The following CLIC5 variants were observed in gnomAD, a reference collection of about 807,000 sequenced individuals.
CLIC5 encodes the protein chloride intracellular channel protein 5.
CLIC5 carries 20 observed loss-of-function variants against 24.7 expected under a neutral mutation model. The observed-to-expected ratio is 0.81, with a 90% CI of 0.57 to 1.18. CLIC5 has a LOEUF of 1.18. Among genes scored for constraint, CLIC5 ranks in the 50% most tolerant of loss-of-function variants. The pLI is 0.00. For missense variants in CLIC5, 341 were observed against 326.1 expected (o/e 1.05, Z -0.35); for synonymous variants, 159 against 135.6 (o/e 1.17, Z -1.20).
At chr6:45,925,347 C>T (rs1314441485) in intron 4 of CLIC5, among the ~76,000 whole-genome samples, 4 of 145,968 alleles carry the variant, frequency 2.7e-5, no homozygotes, top group Non-Finnish European at 5.9e-5. Context: ...GATAGAGTCT[C>T]GCTCTGTCAC....
At chr6:46,089,022 C>T in the CLIC5 span, among the ~76,000 whole-genome samples, 1 of 152,078 alleles carries the variant, frequency 6.6e-6, no homozygotes, top group Non-Finnish European at 1.5e-5. Context: ...TCTAATTTTC[C>T]TTTAAATTTA....
chr6:46,109,513 T>TAAAAAAAAAA, the CLIC5 span, among the ~76,000 whole-genome samples: 3 of 47,182 alleles, frequency 6.4e-5, 1 homozygote, highest in African/African-American at 3.0e-4. Context: ...CAGTCTCCAC[T>TAAAAAAAAAA]AAAAAAAAAA....
At chr6:46,015,178 C>A (rs563050082) in intron 1 of CLIC5, among the ~76,000 whole-genome samples, 60 of 152,374 alleles carry the variant, frequency 3.9e-4, no homozygotes, top group African/African-American at 1.4e-3. Flanking sequence ...CAGGACCAGC[C>A]TGAATCGCGT....
chr6:45,944,549 C>CAAAAAAAAAAAAAAAAAAAAAAAAAAAAA (rs773971605), intron 3 of CLIC5, among the ~76,000 whole-genome samples: 1 of 61,416 alleles, frequency 1.6e-5, no homozygotes, highest in Non-Finnish European at 3.4e-5. Context: ...GGCTTCTCAC[C>CAAAAAAAAAAAAAAAAAAAAAAAAAAAAA]AAAAAAAAAA....
At chr6:46,045,649 AGT>A (rs1218238067) in intron 1 of CLIC5, among the ~76,000 whole-genome samples, 1 of 151,990 alleles carries the variant, frequency 6.6e-6, no homozygotes, top group Non-Finnish European at 1.5e-5. Flanking sequence ...ATAAGAAAGC[AGT>A]AAGCCAGAGA....
upstream of CLIC5, among the ~76,000 whole-genome samples, chr6:46,017,861 G>T (rs1192324981): frequency 6.6e-6 from 1 of 152,196 alleles, no homozygotes; most frequent in Non-Finnish European, 1.5e-5. Flanking sequence ...TTTATGGCAG[G>T]CTGTGTCCCC....
intron 1 of CLIC5, among the ~76,000 whole-genome samples, chr6:46,069,931 T>C (rs1015434135): frequency 4.6e-5 from 7 of 152,186 alleles, no homozygotes; most frequent in African/African-American, 1.7e-4. Context: ...TGCAAATCAA[T>C]AAATGTGACT....
chr6:45,964,677 G>A (rs139808192), intron 1 of CLIC5, among the ~76,000 whole-genome samples: 131 of 152,286 alleles, frequency 8.6e-4, no homozygotes, highest in Non-Finnish European at 1.6e-3. Context: ...GAATGAATGA[G>A]ATTTCAGATT....
intron 1 of CLIC5, among the ~76,000 whole-genome samples, chr6:46,054,797 C>G (rs956021816): frequency 2.0e-5 from 3 of 152,214 alleles, no homozygotes; most frequent in African/African-American, 7.2e-5. Flanking sequence ...GGAGGAAAGT[C>G]TTCACCAGAA....
At chr6:45,892,683 A>G (rs139824829) in intron 6 of CLIC5, among the ~76,000 whole-genome samples, 3 of 152,374 alleles carry the variant, frequency 2.0e-5, no homozygotes, top group South Asian at 2.1e-4. Flanking sequence ...TGCATTAGGC[A>G]TATGTTTGAA....
At chr6:46,113,304 A>G in the CLIC5 span, among the ~76,000 whole-genome samples, 1 of 152,184 alleles carries the variant, frequency 6.6e-6, no homozygotes, top group Non-Finnish European at 1.5e-5. Flanking sequence ...CTGCTGAGTG[A>G]AGACTAGAGA....
At chr6:46,083,964 T>C (rs1432481079), upstream of CLIC5, among the ~76,000 whole-genome samples, 1 of 152,222 alleles carries the variant, frequency 6.6e-6, no homozygotes, top group African/African-American at 2.4e-5. Flanking sequence ...TGCTCCTGTA[T>C]TGGGTGCATA....
intron 1 of CLIC5, among the ~76,000 whole-genome samples, chr6:45,977,567 C>T (rs1463486019): frequency 6.6e-6 from 1 of 152,150 alleles, no homozygotes; most frequent in East Asian, 1.9e-4. Context: ...ATTCAAACTC[C>T]TTGAGCTGCC....
chr6:46,022,205 T>A (rs1453027541), intron 1 of CLIC5, among the ~76,000 whole-genome samples: 2 of 152,334 alleles, frequency 1.3e-5, no homozygotes, highest in African/African-American at 4.8e-5. Flanking sequence ...AAATGACATG[T>A]ACTGTAAAAT....
chr6:46,030,255 C>A (rs1355453063), intron 1 of CLIC5, among the ~76,000 whole-genome samples: 1 of 152,130 alleles, frequency 6.6e-6, no homozygotes, highest in East Asian at 1.9e-4. Context: ...TGTCATAGAT[C>A]CTATCACTAA....
At chr6:46,001,536 C>G (rs1284371005) in intron 1 of CLIC5, among the ~76,000 whole-genome samples, 1 of 152,122 alleles carries the variant, frequency 6.6e-6, no homozygotes, top group African/African-American at 2.4e-5. Flanking sequence ...TTCCAAATGC[C>G]CAGTGGCTGC....
At chr6:46,079,664 C>A in intron 1 of CLIC5, 1 of 1,496,456 alleles carries the variant, frequency 6.7e-7, no homozygotes, top group South Asian at 1.3e-5. Flanking sequence ...GCCATAATAT[C>A]TGCATGAACA....
At chr6:46,056,769 C>G (rs574206670) in intron 1 of CLIC5, among the ~76,000 whole-genome samples, 4 of 152,296 alleles carry the variant, frequency 2.6e-5, no homozygotes, top group South Asian at 4.1e-4. Flanking sequence ...ACATCAGTGA[C>G]TATAGCTATT....
At chr6:46,042,505 C>A (rs990106978) in intron 1 of CLIC5, among the ~76,000 whole-genome samples, 3 of 152,102 alleles carry the variant, frequency 2.0e-5, no homozygotes, top group African/African-American at 7.2e-5. Flanking sequence ...TGAGGCCACT[C>A]GGGGTGTTTA....
Sources: allele counts gnomAD v4.1 joint callset (sites outside exome capture counted in the v4.1 genomes callset), GRCh38; gene constraint gnomAD v4.1.1; transcripts MANE v1.5; gene names NCBI Gene and HGNC (gene_info 2026-07-23, HGNC 2026-07-21).